Variants in ODAPH observed in about 807,000 individuals in gnomAD.
The protein encoded by ODAPH is odontogenesis associated phosphoprotein, also known as amelogenesis imperfecta type IIA4.
Under a neutral mutation model 2.8 loss-of-function variants are expected in ODAPH, and 2 were observed. That is an observed-to-expected ratio of 0.72 (90% CI 0.30 to 2.28). The LOEUF is 2.28. Ranked by LOEUF, ODAPH falls within the 30% of genes most tolerant of loss-of-function variation. ODAPH has a pLI of 0.13. For missense variants in ODAPH, 159 were observed against 163.3 expected, an observed-to-expected ratio of 0.97 and a Z score of 0.14; for synonymous variants, 75 against 60.3, an observed-to-expected ratio of 1.24 and a Z score of -1.13.
intron 1 of ODAPH, among the ~76,000 whole-genome samples, chr4:75,556,354 G>A (rs577813796): frequency 6.6e-6 from 1 of 152,282 alleles, no homozygotes; most frequent in South Asian, 2.1e-4. Flanking sequence ...TGTGACTTTA[G>A]ACACACTTAA....
At position 75,556,391 on chromosome 4, in the gene ODAPH, T is replaced by C. The variant is rs143767554; in HGVS notation, c.67+242T>C. ...ATCTCTGAGTATCAGATTCCTCATA[T>C]GTGAAGTGACAACATTAACAATATC... is the stretch of plus-strand genomic sequence containing the variant. On this transcript the variant is annotated intron_variant, in intron 1 of 1. Transcript: ENST00000311623. 157 of 716,178 alleles carry C rather than the reference T, an allele frequency of 2.2e-4. No individual in the cohort carries two copies. In the African/African-American group the frequency reaches 2.4e-3, roughly 11 times the overall value. 44.4% of individuals were successfully genotyped at this position (716,178 alleles called of 1,614,324 possible).
chr4:75,556,241 A>G, intron 1 of ODAPH, 92 bp downstream of exon 1: 2 of 1,263,506 alleles, frequency 1.6e-6, no homozygotes, highest in Non-Finnish European at 2.3e-6. Flanking sequence ...CGTTCCCATA[A>G]ATTGGAAATA....
Position 75,560,850 on chromosome 4 carries a change from A to G in ODAPH, c.68-3264A>G, listed in dbSNP as rs1727533863. On this transcript the variant is annotated intron_variant, in intron 1 of 1. Transcript: ENST00000311623. ...GGGTGGTTTTTAACAGCTGGAGCAC[A>G]GTTAACCTAGTGGCAGAGCTCAAGG... 2.0e-5 allele frequency among the ~76,000 whole-genome samples: 3 copies of G among 152,304 alleles called. No homozygotes were observed. In the South Asian group the frequency reaches 6.2e-4, roughly 32 times the overall value.
downstream of ODAPH, chr4:75,565,557 T>G (rs934339850): frequency 2.0e-5 from 3 of 152,148 alleles, no homozygotes; most frequent in Non-Finnish European, 4.4e-5. Flanking sequence ...ATTCTCAGGG[T>G]GCAATATGAG....
At chr4:75,561,303 G>T (rs957496113) in intron 1 of ODAPH, among the ~76,000 whole-genome samples, 1 of 151,434 alleles carries the variant, frequency 6.6e-6, no homozygotes, top group Admixed American at 6.6e-5. Flanking sequence ...TTCCTGTAAG[G>T]TTCAGAACTT....
Position 75,563,005 on chromosome 4 carries a change from C to CTTTTT in ODAPH, c.68-1076_68-1072dup, listed in dbSNP as rs542417085. Among the ~76,000 whole-genome samples, 36 of 59,600 alleles carry CTTTTT rather than the reference C, an allele frequency of 6.0e-4. 11 individuals are homozygous for CTTTTT. The highest frequency in any genetic ancestry group is 1.5e-3 in the African/African-American group (24 of 15,868). The allele number at this position is 59,600 out of a possible 152,430, so 39.1% of individuals were successfully genotyped here. A position where few individuals can be genotyped will look rare whatever the true frequency, so the allele number is the denominator to read the frequency against. ...TTTACATGCAATAAAATCCACACAT[C>CTTTTT]TTTTTTTTTTTTTTTTTTTTTTTTT... On this transcript the variant is annotated intron_variant, in intron 1 of 1. Coordinates refer to ENST00000311623, the MANE Select transcript of ODAPH (RefSeq NM_178497.5).
chr4:75,559,997 A>AAGAG (rs149379422), intron 1 of ODAPH, among the ~76,000 whole-genome samples: 2 of 151,032 alleles, frequency 1.3e-5, no homozygotes, highest in African/African-American at 4.8e-5. Context: ...CCCTGACAAA[A>AAGAG]AGAGAGAGAG....
rs76280764 is a variant in ODAPH, at chr4:75,559,565, A to T, written c.67+3416A>T. Among the ~76,000 whole-genome samples, 862 of 152,342 alleles carry T rather than the reference A, an allele frequency of 5.7e-3. 4 individuals carry two copies. Among genetic ancestry groups the T allele is most frequent in the African/African-American group, 0.02 (832 of 41,576 alleles). Reference sequence around the variant, plus strand: ...AGCCTATCCTTTTAAACACTTTGCTATTCTGCCTCTCAAAATGTTTTTAAT... The same window carrying T: ...AGCCTATCCTTTTAAACACTTTGCTTTTCTGCCTCTCAAAATGTTTTTAAT... On this transcript the variant is annotated intron_variant, in intron 1 of 1. Coordinates refer to ENST00000311623, the MANE Select transcript of ODAPH (RefSeq NM_178497.5).
intron 1 of ODAPH, among the ~76,000 whole-genome samples, chr4:75,561,223 CAA>C (rs35040152): frequency 3.2e-5 from 2 of 62,682 alleles, no homozygotes; most frequent in African/African-American, 6.1e-5. Context: ...AACTCAATCT[CAA>C]AAAAAAAAAA....
chr4:75,561,089 T>C (rs1727550195), intron 1 of ODAPH, among the ~76,000 whole-genome samples: 1 of 151,888 alleles, frequency 6.6e-6, no homozygotes, highest in African/African-American at 2.4e-5. Context: ...CCGGGCGTGG[T>C]GGCGCGCGCC....
chr4:75,565,473 T>C (rs765836688), downstream of ODAPH: 1 of 152,188 alleles, frequency 6.6e-6, no homozygotes, highest in South Asian at 2.1e-4. Flanking sequence ...AATGCCTGAT[T>C]AAACTGCTAC....
chr4:75,564,976 G>C (rs1366480884), downstream of ODAPH: 1 of 160,648 alleles, frequency 6.2e-6, no homozygotes, highest in Non-Finnish European at 1.4e-5. Flanking sequence ...AAACTGACTT[G>C]TCTAACCCAA....
rs961875961 is a variant in ODAPH at position 75,564,748 on chromosome 4, T to C, written c.*309T>C. 3 of 546,502 alleles carry C rather than the reference T, an allele frequency of 5.5e-6. No homozygotes were observed. The East Asian group carries it at 9.7e-5, about 18-fold the overall frequency. 33.9% of individuals were successfully genotyped at this position (546,502 alleles called of 1,614,324 possible). ...CTAGTAATTCCTATCCATACTAAGA[T>C]GCTGAGAGAATCCATCTCCTCCTCT... is the stretch of plus-strand genomic sequence containing the variant. On this transcript the variant is annotated 3_prime_UTR_variant, in exon 2 of 2. Coordinates refer to ENST00000311623, the MANE Select transcript of ODAPH (RefSeq NM_178497.5).
chr4:75,556,247 A>G, intron 1 of ODAPH, 98 bp downstream of exon 1: 1 of 1,221,438 alleles, frequency 8.2e-7, no homozygotes, highest in Non-Finnish European at 1.2e-6. Context: ...CATAAATTGG[A>G]AATATTTACC....
intron 1 of ODAPH, among the ~76,000 whole-genome samples, chr4:75,563,712 A>T (rs1428747694): frequency 1.3e-5 from 2 of 152,210 alleles, no homozygotes; most frequent in Non-Finnish European, 2.9e-5. Flanking sequence ...CTCAACATTC[A>T]TGGGATGTAT....
chr4:75,557,585 G>T (rs1004436777), intron 1 of ODAPH, among the ~76,000 whole-genome samples: 1 of 152,216 alleles, frequency 6.6e-6, no homozygotes, highest in Non-Finnish European at 1.5e-5. Flanking sequence ...GTTGCCATGA[G>T]CCAAGATCGT....
At chr4:75,559,055 A>G (rs1043023294) in intron 1 of ODAPH, among the ~76,000 whole-genome samples, 1 of 152,034 alleles carries the variant, frequency 6.6e-6, no homozygotes, top group Non-Finnish European at 1.5e-5. Flanking sequence ...TACTCACTGA[A>G]CTCCACAAAA....
chr4:75,563,520 A>T (rs769830192), intron 1 of ODAPH, among the ~76,000 whole-genome samples: 8 of 152,224 alleles, frequency 5.3e-5, no homozygotes, highest in African/African-American at 9.6e-5. Context: ...ACCCAGATCA[A>T]GATATGAAAC....
At position 75,564,481 on chromosome 4, in the gene ODAPH, T is replaced by C. The variant is rs200717133; in HGVS notation, c.*42T>C. On this transcript the variant is annotated 3_prime_UTR_variant, in exon 2 of 2. Coordinates refer to ENST00000311623, the MANE Select transcript of ODAPH (RefSeq NM_178497.5). ...AAACATACTGAAGCAAAAAAAAGCC[T>C]ATCCTTCAGAAAAAAGCAACAAAAA... The C allele has an allele frequency of 1.7e-5, 27 of 1,613,542 alleles. No homozygotes were observed. In the East Asian group the frequency reaches 5.8e-4, roughly 35 times the overall value.
Sources: allele counts gnomAD v4.1 joint callset (sites outside exome capture counted in the v4.1 genomes callset), GRCh38; gene constraint gnomAD v4.1.1; transcripts MANE v1.5; gene names NCBI Gene and HGNC (gene_info 2026-07-23, HGNC 2026-07-21).